RANBP2: variants seen among roughly 807,000 people sequenced by gnomAD.
RANBP2 encodes E3 SUMO-protein ligase RanBP2.
Under a neutral mutation model 303.6 loss-of-function variants are expected in RANBP2, and 57 were observed. The observed-to-expected ratio is 0.19, with a 90% confidence interval of 0.15 to 0.23. RANBP2 has a LOEUF of 0.23. Among genes scored for constraint, RANBP2 ranks in the 10% least tolerant of loss-of-function variants. The pLI is 1.00. For synonymous variants in RANBP2, 1,167 were observed against 1,301.5 expected (o/e 0.90, Z 2.23); for missense variants, 3,138 against 3,780.8 (o/e 0.83, Z 4.46).
the RANBP2 span, among the ~76,000 whole-genome samples, chr2:109,005,662 G>T: frequency 2.0e-5 from 3 of 152,164 alleles, no homozygotes. Context: ...AAATTAAACT[G>T]CGGGCACACA....
the RANBP2 span, among the ~76,000 whole-genome samples, chr2:108,995,624 A>T: frequency 7.2e-5 from 11 of 152,236 alleles, no homozygotes; most frequent in Non-Finnish European, 1.5e-5. Context: ...GCTCAGAGCA[A>T]TATGCCTGGC....
At chr2:109,614,823 C>T in the RANBP2 span, 1 of 1,437,716 alleles carries the variant, frequency 7.0e-7, no homozygotes, top group Non-Finnish European at 9.1e-7. Flanking sequence ...CCCTGCCGGG[C>T]CCGAGGCGCG....
the RANBP2 span, among the ~76,000 whole-genome samples, chr2:109,326,392 T>G: frequency 6.6e-6 from 1 of 152,222 alleles, no homozygotes; most frequent in Non-Finnish European, 1.5e-5. Context: ...AAGTACATCC[T>G]TACCCTGGAG....
At chr2:109,582,518 C>T in the RANBP2 span, among the ~76,000 whole-genome samples, 18 of 152,048 alleles carry the variant, frequency 1.2e-4, no homozygotes, top group Non-Finnish European at 1.0e-4. Context: ...GACGAGGTCC[C>T]ACCATGTTGC....
At chr2:108,734,695 T>C (rs1031673988) in intron 4 of RANBP2, among the ~76,000 whole-genome samples, 5 of 151,866 alleles carry the variant, frequency 3.3e-5, no homozygotes, top group African/African-American at 1.2e-4. Context: ...TAAGGGTATG[T>C]AGGCCCTCAG....
At chr2:109,614,155 T>G in the RANBP2 span, 1 of 1,193,750 alleles carries the variant, frequency 8.4e-7, no homozygotes, top group Non-Finnish European at 1.0e-6. Flanking sequence ...GCGCGAGGAA[T>G]GCAGGCGGGA....
At chr2:109,384,240 C>A in the RANBP2 span, among the ~76,000 whole-genome samples, 1 of 151,998 alleles carries the variant, frequency 6.6e-6, no homozygotes. Context: ...CAGAGGAGAA[C>A]CCTGGAGACC....
the RANBP2 span, among the ~76,000 whole-genome samples, chr2:109,630,320 A>G: frequency 6.6e-6 from 1 of 152,200 alleles, no homozygotes; most frequent in Non-Finnish European, 1.5e-5. Context: ...ACCAACCCAG[A>G]GCCAGCACTC....
chr2:109,489,246 G>T, the RANBP2 span, among the ~76,000 whole-genome samples: 2 of 152,254 alleles, frequency 1.3e-5, no homozygotes, highest in African/African-American at 4.8e-5. Flanking sequence ...GTCACCAAGG[G>T]TGATGGGGAT....
chr2:109,733,768 A>G, the RANBP2 span, among the ~76,000 whole-genome samples: 1 of 151,942 alleles, frequency 6.6e-6, no homozygotes, highest in Admixed American at 6.6e-5. Flanking sequence ...GTTACCCAGG[A>G]GGCTGAGGTG....
the RANBP2 span, chr2:109,613,180 T>G: frequency 2.5e-5 from 32 of 1,288,504 alleles, no homozygotes; most frequent in Non-Finnish European, 3.1e-5. Flanking sequence ...GTAACCACAC[T>G]TGGAAAACCG....
rs775905400 is a variant in RANBP2 at position 108,764,849 on chromosome 2, C to T, written c.4310C>T (p.Ala1437Val). Residue 1437 changes from alanine to valine, a missense_variant, in exon 20 of 29, where the codon GCG (alanine) becomes GTG (valine). By Grantham distance (64) the Ala-to-Val change is moderately conservative. Transcript: ENST00000283195. The part of the protein sequence containing the change: ...RNEPTVSRCI[A>V]CQNTKSANKS... Reference sequence around the variant, plus strand: ...GAACCTACTGTATCTAGGTGCATTGCGTGTCAGAATACAAAATCTGCTAAC... The same window carrying T: ...GAACCTACTGTATCTAGGTGCATTGTGTGTCAGAATACAAAATCTGCTAAC... 5.6e-6 allele frequency: 9 copies of T among 1,613,808 alleles called. No individual in the cohort carries two copies. The highest frequency in any genetic ancestry group is 4.5e-5 in the East Asian group (2 of 44,884).
At chr2:109,221,982 A>T in the RANBP2 span, among the ~76,000 whole-genome samples, 22 of 82,846 alleles carry the variant, frequency 2.7e-4, no homozygotes, top group Admixed American at 6.9e-4. Context: ...TGAATGGATT[A>T]AAAAAAAAAA....
chr2:109,009,702 C>CT, the RANBP2 span, among the ~76,000 whole-genome samples: 7 of 123,094 alleles, frequency 5.7e-5, no homozygotes, highest in African/African-American at 1.7e-4. Context: ...ACATTTTTAC[C>CT]TTTTTTTTGT....
chr2:108,739,419 A>T (rs1248750471), intron 6 of RANBP2, among the ~76,000 whole-genome samples: 3 of 152,090 alleles, frequency 2.0e-5, no homozygotes, highest in Non-Finnish European at 2.9e-5. Flanking sequence ...AAAAACAAAA[A>T]AACTCAGCTC....
At chr2:109,542,350 C>T in the RANBP2 span, among the ~76,000 whole-genome samples, 4 of 152,192 alleles carry the variant, frequency 2.6e-5, no homozygotes, top group African/African-American at 4.8e-5. Flanking sequence ...ATCAGCAGTA[C>T]AAAACGACCG....
At chr2:109,462,563 G>A in the RANBP2 span, among the ~76,000 whole-genome samples, 4 of 152,146 alleles carry the variant, frequency 2.6e-5, no homozygotes, top group African/African-American at 9.7e-5. Flanking sequence ...TCAAGTCTTT[G>A]ATGGTGGCAC....
At chr2:109,272,844 G>A in the RANBP2 span, among the ~76,000 whole-genome samples, 4 of 152,164 alleles carry the variant, frequency 2.6e-5, no homozygotes, top group African/African-American at 7.2e-5. Flanking sequence ...GTGGGTTCCC[G>A]GACTGGTGTT....
chr2:108,814,640 GT>G, the RANBP2 span, among the ~76,000 whole-genome samples: 3 of 148,428 alleles, frequency 2.0e-5, no homozygotes, highest in African/African-American at 7.4e-5. Flanking sequence ...GAATTTTTTT[GT>G]TTTTTTATTT....
Sources: allele counts gnomAD v4.1 joint callset (sites outside exome capture counted in the v4.1 genomes callset), GRCh38; gene constraint gnomAD v4.1.1; transcripts MANE v1.5; gene names NCBI Gene and HGNC (gene_info 2026-07-23, HGNC 2026-07-21).